Variants in PIK3C2G observed in about 807,000 individuals in gnomAD.
PIK3C2G encodes phosphatidylinositol 3-kinase C2 domain-containing subunit gamma.
In PIK3C2G, 168 loss-of-function variants were observed where a neutral mutation model predicts 181.1. The ratio of observed to expected loss-of-function variants is 0.93; its 90% CI spans 0.82 to 1.05. The LOEUF is 1.05. Ranked by LOEUF, PIK3C2G falls within the 50% of genes least tolerant of loss-of-function variation. The probability of loss-of-function intolerance (pLI) is 0.00; values close to 1 mark genes in which losing one functional copy is unlikely to be tolerated. For synonymous variants in PIK3C2G, 573 were observed against 592.2 expected (o/e 0.97, Z 0.47); for missense variants, 1,869 against 1,732.8 (o/e 1.08, Z -1.40).
the PIK3C2G span, among the ~76,000 whole-genome samples, chr12:18,654,801 C>A: frequency 6.6e-6 from 1 of 152,082 alleles, no homozygotes; most frequent in African/African-American, 2.4e-5. Flanking sequence ...GGATAAGTGA[C>A]AAACATCGAA....
chr12:18,617,828 G>A (rs577835576), intron 31 of PIK3C2G, among the ~76,000 whole-genome samples: 2 of 152,168 alleles, frequency 1.3e-5, no homozygotes, highest in African/African-American at 4.8e-5. Flanking sequence ...AAATGAAAGA[G>A]GATAAAGAGC....
intron 26 of PIK3C2G, among the ~76,000 whole-genome samples, chr12:18,559,821 TAGAG>T (rs1171468138): frequency 0.013 from 231 of 18,258 alleles, 1 homozygote; most frequent in East Asian, 0.034. Flanking sequence ...TATATATATA[TAGAG>T]AGAGAGAGAG....
intron 25 of PIK3C2G, 151 bp from the exon 26 acceptor site, chr12:18,546,172 G>A (rs530134775): frequency 8.8e-5 from 50 of 567,160 alleles, no homozygotes; most frequent in South Asian, 4.9e-4. Flanking sequence ...AAAAACGCAC[G>A]AACTTATATG....
At chr12:18,531,285 T>G (rs955357314) in intron 24 of PIK3C2G, among the ~76,000 whole-genome samples, 2 of 152,028 alleles carry the variant, frequency 1.3e-5, no homozygotes, top group Non-Finnish European at 2.9e-5. Flanking sequence ...TAACTCACAA[T>G]AAAAAAATAT....
chr12:18,250,074 T>A (rs1270258033), intron 1 of PIK3C2G, among the ~76,000 whole-genome samples: 5 of 152,044 alleles, frequency 3.3e-5, no homozygotes, highest in Admixed American at 2.0e-4. Flanking sequence ...GTCAGAAAAA[T>A]CTGATTTTCT....
intron 25 of PIK3C2G, among the ~76,000 whole-genome samples, chr12:18,538,659 C>G (rs563170005): frequency 4.6e-5 from 7 of 152,034 alleles, no homozygotes; most frequent in African/African-American, 1.4e-4. Flanking sequence ...TATACTATCT[C>G]ATTTATATAT....
intron 29 of PIK3C2G, among the ~76,000 whole-genome samples, chr12:18,589,149 T>A (rs1946942100): frequency 6.6e-6 from 1 of 151,918 alleles, no homozygotes; most frequent in Non-Finnish European, 1.5e-5. Context: ...GGAACCCATA[T>A]AACAAACCTG....
intron 1 of PIK3C2G, among the ~76,000 whole-genome samples, chr12:18,271,342 T>C (rs1465652367): frequency 6.6e-6 from 1 of 152,146 alleles, no homozygotes. Context: ...CCCAGAGAAC[T>C]TCAAAGCCAT....
chr12:18,400,234 G>A (rs1263853501), intron 16 of PIK3C2G, among the ~76,000 whole-genome samples: 4 of 152,078 alleles, frequency 2.6e-5, no homozygotes, highest in Non-Finnish European at 4.4e-5. Flanking sequence ...GTGTAAAGTA[G>A]TTGTACAATT....
the PIK3C2G span, among the ~76,000 whole-genome samples, chr12:18,680,596 C>A: frequency 6.6e-6 from 1 of 151,870 alleles, no homozygotes; most frequent in Non-Finnish European, 1.5e-5. Context: ...AAGAATAAAC[C>A]CTCAAAATTA....
chr12:18,583,967 A>G (rs1946638566), intron 29 of PIK3C2G, among the ~76,000 whole-genome samples: 1 of 152,170 alleles, frequency 6.6e-6, no homozygotes, highest in Non-Finnish European at 1.5e-5. Context: ...AAGAATCACA[A>G]TAAAATAATA....
chr12:18,649,498 C>CA (rs1950325528), downstream of PIK3C2G, among the ~76,000 whole-genome samples: 1 of 152,082 alleles, frequency 6.6e-6, no homozygotes, highest in African/African-American at 2.4e-5. Context: ...TGTCTCCCAT[C>CA]AAAAAATTAA....
chr12:18,323,199 G>A (rs766207068), intron 7 of PIK3C2G, among the ~76,000 whole-genome samples: 9 of 152,126 alleles, frequency 5.9e-5, no homozygotes, highest in Non-Finnish European at 1.3e-4. Flanking sequence ...GGGGTCCAGA[G>A]GGTTAATTCA....
intron 20 of PIK3C2G, among the ~76,000 whole-genome samples, chr12:18,492,054 C>T (rs1940621779): frequency 6.6e-6 from 1 of 152,226 alleles, no homozygotes; most frequent in Admixed American, 6.5e-5. Flanking sequence ...CCTAGAAAGC[C>T]CATCTTGGCA....
downstream of PIK3C2G, among the ~76,000 whole-genome samples, chr12:18,649,576 C>T (rs2136875518): frequency 6.6e-6 from 1 of 152,246 alleles, no homozygotes; most frequent in South Asian, 2.1e-4. Flanking sequence ...TGCAGCAAAA[C>T]TCTTCAAAAT....
intron 18 of PIK3C2G, among the ~76,000 whole-genome samples, chr12:18,426,910 C>A (rs10841025): frequency 0.22 from 33,720 of 152,084 alleles, 3,956 homozygotes; most frequent in Admixed American, 0.34. Flanking sequence ...CATTGACTGG[C>A]ATGAGGCCCT....
chr12:18,507,919 C>T (rs1233240404), intron 24 of PIK3C2G, among the ~76,000 whole-genome samples: 1 of 152,224 alleles, frequency 6.6e-6, no homozygotes, highest in African/African-American at 2.4e-5. Context: ...GATGCTACAG[C>T]AGCTACTGCT....
At chr12:18,566,923 G>T (rs1393033380) in intron 28 of PIK3C2G, 26 bp from the exon 29 acceptor site, 1 of 1,202,692 alleles carries the variant, frequency 8.3e-7, no homozygotes, top group Non-Finnish European at 1.2e-6. Flanking sequence ...AACTAATGAA[G>T]ATAACTTTTT....
intron 29 of PIK3C2G, among the ~76,000 whole-genome samples, chr12:18,576,835 C>T (rs913826219): frequency 7.2e-5 from 11 of 152,102 alleles, no homozygotes; most frequent in African/African-American, 2.2e-4. Flanking sequence ...CTGAAGGTCA[C>T]GTCTGTTCAT....
Sources: allele counts gnomAD v4.1 joint callset (sites outside exome capture counted in the v4.1 genomes callset), GRCh38; gene constraint gnomAD v4.1.1; transcripts MANE v1.5; gene names NCBI Gene and HGNC (gene_info 2026-07-23, HGNC 2026-07-21).